KCMF1: variants seen among roughly 807,000 people sequenced by gnomAD.
The protein encoded by KCMF1 is potassium channel modulatory factor 1.
Under a neutral mutation model 41.1 loss-of-function variants are expected in KCMF1, and 3 were observed. The ratio of observed to expected loss-of-function variants is 0.07; its 90% CI spans 0.03 to 0.19. The LOEUF (loss-of-function observed/expected upper bound fraction) is 0.19. Among genes scored for constraint, KCMF1 ranks in the 10% least tolerant of loss-of-function variants. The pLI, the probability that KCMF1 is intolerant of heterozygous loss-of-function variation, is 1.00. For missense variants in KCMF1, 286 were observed against 488.9 expected (o/e 0.58, Z 3.91); for synonymous variants, 142 against 164.5 (o/e 0.86, Z 1.04).
intron 1 of KCMF1, among the ~76,000 whole-genome samples, chr2:84,990,203 T>A (rs1280055781): frequency 6.6e-6 from 1 of 152,162 alleles, no homozygotes. Flanking sequence ...TGTGTTAAAT[T>A]CTGACTGAAT....
At chr2:85,008,876 C>G (rs1485986111) in intron 1 of KCMF1, among the ~76,000 whole-genome samples, 1 of 151,756 alleles carries the variant, frequency 6.6e-6, no homozygotes, top group Admixed American at 6.6e-5. Flanking sequence ...GCAGTCCTCC[C>G]CCGCTCAGTC....
intron 1 of KCMF1, among the ~76,000 whole-genome samples, chr2:85,020,215 G>T (rs868153442): frequency 6.6e-6 from 1 of 152,228 alleles, no homozygotes; most frequent in South Asian, 2.1e-4. Context: ...GAAAGAAAAG[G>T]CAGGCCTGCA....
intron 1 of KCMF1, among the ~76,000 whole-genome samples, chr2:84,999,908 A>G (rs1428637511): frequency 6.6e-6 from 1 of 152,170 alleles, no homozygotes. Context: ...TGGCATTTAC[A>G]TTCAGCCCCT....
chr2:85,053,590 C>T lies in KCMF1; in HGVS notation c.*181C>T. On this transcript the variant is annotated 3_prime_UTR_variant, in exon 7 of 7. Transcript: ENST00000409785. ...ATCATTTCCACTTAACTAATTTTTA[C>T]TTCTAGCAGGTAAATGTAGGTAGCA... The T allele has an allele frequency of 1.4e-6, 1 of 709,818 alleles. No homozygotes were observed. The highest frequency in any genetic ancestry group is 2.3e-6 in the Non-Finnish European group (1 of 441,234). 44.0% of individuals were successfully genotyped at this position (709,818 alleles called of 1,614,324 possible).
chr2:85,032,168 T>TGTTG (rs1675292893), intron 2 of KCMF1, among the ~76,000 whole-genome samples: 1 of 151,998 alleles, frequency 6.6e-6, no homozygotes, highest in African/African-American at 2.4e-5. Flanking sequence ...TTGTTTTGTT[T>TGTTG]GTTGGTTGGT....
chr2:85,027,850 T>C, intron 1 of KCMF1, 39 bp from the exon 2 acceptor site: 1 of 1,400,140 alleles, frequency 7.1e-7, no homozygotes, highest in Non-Finnish European at 9.8e-7. Flanking sequence ...AAGAGTGGCC[T>C]TTACAACTGG....
intron 1 of KCMF1, among the ~76,000 whole-genome samples, chr2:85,027,479 A>G (rs571333272): frequency 1.2e-3 from 185 of 148,418 alleles, no homozygotes; most frequent in African/African-American, 4.3e-3. Context: ...GGTTTAAGCA[A>G]TTCTCATGCC....
At chr2:85,035,490 C>G (rs780595909) in intron 3 of KCMF1, among the ~76,000 whole-genome samples, 9 of 152,194 alleles carry the variant, frequency 5.9e-5, no homozygotes, top group Non-Finnish European at 1.3e-4. Context: ...AGTATCCTTG[C>G]TATCTGCTTA....
chr2:84,987,891 A>G (rs952680967), intron 1 of KCMF1, among the ~76,000 whole-genome samples: 2 of 152,140 alleles, frequency 1.3e-5, no homozygotes, highest in Admixed American at 1.3e-4. Flanking sequence ...AGCACTTGTC[A>G]TGTGAGTGTT....
At chr2:84,991,748 C>T (rs977847542) in intron 1 of KCMF1, among the ~76,000 whole-genome samples, 2 of 152,274 alleles carry the variant, frequency 1.3e-5, no homozygotes, top group Non-Finnish European at 2.9e-5. Context: ...GGAAATCAGC[C>T]GCAACAGCCT....
chr2:85,032,986 G>A (rs1011623485), intron 2 of KCMF1, among the ~76,000 whole-genome samples: 2 of 152,162 alleles, frequency 1.3e-5, no homozygotes, highest in African/African-American at 4.8e-5. Context: ...CACTTGTCTT[G>A]TTCTGATCTT....
intron 4 of KCMF1, among the ~76,000 whole-genome samples, chr2:85,045,644 C>T (rs554374218): frequency 6.6e-6 from 1 of 152,142 alleles, no homozygotes; most frequent in Non-Finnish European, 1.5e-5. Flanking sequence ...GTTGAGGCTG[C>T]TGGGAATTTT....
chr2:85,007,622 C>A (rs933137518), intron 1 of KCMF1, among the ~76,000 whole-genome samples: 1 of 152,194 alleles, frequency 6.6e-6, no homozygotes, highest in Non-Finnish European at 1.5e-5. Flanking sequence ...ACTTCGACAT[C>A]ACTTGGGCAG....
chr2:85,026,079 C>T (rs1031886248), intron 1 of KCMF1, among the ~76,000 whole-genome samples: 1 of 152,026 alleles, frequency 6.6e-6, no homozygotes, highest in Non-Finnish European at 1.5e-5. Context: ...CAACCTCCGT[C>T]TCCTGAGTTC....
chr2:84,986,876 C>G lies in KCMF1; in HGVS notation c.16+15409C>G, dbSNP rs185049573. ...CAGCCTGGGCGACACAGTGAGACTCCGTCTCAAAAAAAAGAAAGAAAGGTT... is the reference window on the plus strand; with the variant it reads ...CAGCCTGGGCGACACAGTGAGACTCGGTCTCAAAAAAAAGAAAGAAAGGTT... On this transcript the variant is annotated intron_variant, in intron 1 of 6. Transcript: ENST00000409785. Among the ~76,000 whole-genome samples, 434 of 152,050 alleles carry G rather than the reference C, an allele frequency of 2.9e-3. 1 individual carries two copies. The highest frequency in any genetic ancestry group is 4.9e-3 in the Non-Finnish European group (334 of 67,988).
At position 85,053,484 on chromosome 2, in the gene KCMF1, T is replaced by C; in HGVS notation, c.*75T>C. ...AAGTGGACAACAACTATCTTGGGTT[T>C]GTTTGGTGATTGTAATTTCAGGTCT... is the stretch of plus-strand genomic sequence containing the variant. On this transcript the variant is annotated 3_prime_UTR_variant, in exon 7 of 7. Coordinates refer to ENST00000409785, the MANE Select transcript of KCMF1 (RefSeq NM_020122.5). 1 of 1,428,508 alleles carries C rather than the reference T, an allele frequency of 7.0e-7. No homozygotes were observed. The highest frequency in any genetic ancestry group is 1.4e-5 in the African/African-American group (1 of 69,858). 88.5% of individuals were successfully genotyped at this position (1,428,508 alleles called of 1,614,324 possible). A position where few individuals can be genotyped will look rare whatever the true frequency, so the allele number is the denominator to read the frequency against.
chr2:84,993,153 C>T (rs1674086555), intron 1 of KCMF1, among the ~76,000 whole-genome samples: 1 of 150,960 alleles, frequency 6.6e-6, no homozygotes, highest in Non-Finnish European at 1.5e-5. Flanking sequence ...TGCCACTGCA[C>T]TCCAGCCCAG....
intron 1 of KCMF1, among the ~76,000 whole-genome samples, chr2:84,976,958 T>C (rs548412742): frequency 6.6e-6 from 1 of 152,302 alleles, no homozygotes; most frequent in East Asian, 1.9e-4. Context: ...CAGCTCCAAC[T>C]TTTTGAAAGT....
chr2:85,018,267 ATTTTT>A (rs373718008), intron 1 of KCMF1, among the ~76,000 whole-genome samples: 11 of 126,886 alleles, frequency 8.7e-5, no homozygotes. Context: ...ACTAAGCTAG[ATTTTT>A]TTTTTTTTTT....
Sources: allele counts gnomAD v4.1 joint callset (sites outside exome capture counted in the v4.1 genomes callset), GRCh38; gene constraint gnomAD v4.1.1; transcripts MANE v1.5; gene names NCBI Gene and HGNC (gene_info 2026-07-23, HGNC 2026-07-21).